The following TTC8 variants were observed in gnomAD, a reference collection of about 807,000 sequenced individuals.
TTC8 encodes tetratricopeptide repeat domain 8.
In TTC8, 47 loss-of-function variants were observed where a neutral mutation model predicts 72.5. The observed-to-expected ratio is 0.65, with a 90% CI of 0.51 to 0.83. The LOEUF is 0.83. TTC8 is among the 40% of genes least tolerant of loss of function. The probability of loss-of-function intolerance (pLI) is 0.00; values close to 1 mark genes in which losing one functional copy is unlikely to be tolerated. For missense variants in TTC8, 611 were observed against 623.2 expected, an observed-to-expected ratio of 0.98 and a Z score of 0.21; for synonymous variants, 199 against 221.4, an observed-to-expected ratio of 0.90 and a Z score of 0.90.
chr14:88,855,460 T>C (rs2094851783), intron 8 of TTC8, among the ~76,000 whole-genome samples: 1 of 152,200 alleles, frequency 6.6e-6, no homozygotes, highest in Non-Finnish European at 1.5e-5. Flanking sequence ...CATGTTCCAT[T>C]TTCTTTGCAC....
rs2094780502 is a variant in TTC8 at position 88,841,369 on chromosome 14, G to GTTTTTTTT, written c.490-53_490-52insTTTTTTTT. On this transcript the variant is annotated intron_variant, in intron 5 of 14. Transcript: ENST00000380656. The stretch of plus-strand genomic sequence containing the variant: ...TTATATTTTTATGCATATTAAACTT[G>GTTTTTTTT]TTTACATTTCAAGAGAAAGTTTCAG... 4 of 1,606,492 alleles carry GTTTTTTTT rather than the reference G, an allele frequency of 2.5e-6. No individual in the cohort carries two copies. In the East Asian group the frequency reaches 8.9e-5, roughly 36 times the overall value.
At position 88,862,643 on chromosome 14, in the gene TTC8, C is replaced by A. The variant is rs182602802; in HGVS notation, c.909+1311C>A. ...TGTTGCCCAGGCTGGATCGCAGTGA[C>A]GTAATCATAACTCACTGCAGCCTCC... On this transcript the variant is annotated intron_variant, in intron 10 of 14. Transcript: ENST00000380656. Among the ~76,000 whole-genome samples, 1,149 of 128,174 alleles carry A rather than the reference C, an allele frequency of 9.0e-3. 11 individuals carry two copies. Among genetic ancestry groups the A allele is most frequent in the Middle Eastern group, 0.031 (7 of 224 alleles). The allele number at this position is 128,174 out of a possible 152,430, so 84.1% of individuals were successfully genotyped here. A position where few individuals can be genotyped will look rare whatever the true frequency, so the allele number is the denominator to read the frequency against.
intron 10 of TTC8, among the ~76,000 whole-genome samples, chr14:88,864,705 G>A (rs1595978584): frequency 6.6e-6 from 1 of 152,226 alleles, no homozygotes. Flanking sequence ...CAAGGACTAA[G>A]CACAGATTTG....
Position 88,839,311 on chromosome 14 carries a change from T to TAAATTAAA in TTC8, c.145-141_145-140insAAATTAAA, listed in dbSNP as rs1222606228. On this transcript the variant is annotated intron_variant, in intron 2 of 14. Coordinates refer to ENST00000380656, the MANE Select transcript of TTC8 (RefSeq NM_144596.4). The stretch of plus-strand genomic sequence containing the variant: ...CTTGTATTAGTTTTTGACATGGCCC[T>TAAATTAAA]TTAAATTAAAATAATGTGTTAAGAG... 1.5e-4 allele frequency: 125 copies of TAAATTAAA among 841,642 alleles called. No homozygotes were observed. The African/African-American group carries it at 2.1e-3, about 14-fold the overall frequency. The allele number at this position is 841,642 out of a possible 1,614,324, so 52.1% of individuals were successfully genotyped here.
At chr14:88,854,841 G>A (rs1250871926) in intron 8 of TTC8, among the ~76,000 whole-genome samples, 3 of 152,102 alleles carry the variant, frequency 2.0e-5, no homozygotes, top group South Asian at 2.1e-4. Flanking sequence ...CACCATGCCC[G>A]GCTAATTTTT....
Position 88,853,054 on chromosome 14 carries a change from C to T in TTC8, c.708C>T (p.Tyr236=). Residue 236 remains tyrosine (Y), a splice_region_variant and synonymous_variant, in exon 8 of 15, where the codon TAC becomes TAT. Coordinates refer to ENST00000380656, the MANE Select transcript of TTC8 (RefSeq NM_144596.4). ...AAGTACAGATTGGAAAATGTTACTA[C>T]AGGTAAATTTCATTATTTGTGAAGG... ...WWKVQIGKCY[Y]RLGMYREAEK... 1 of 1,610,954 alleles carries T rather than the reference C, an allele frequency of 6.2e-7. No individual in the cohort carries two copies. The highest frequency in any genetic ancestry group is 8.5e-7 in the Non-Finnish European group (1 of 1,177,520).
chr14:88,878,600 C>T (rs1179325502), downstream of TTC8: 1 of 152,160 alleles, frequency 6.6e-6, no homozygotes, highest in Non-Finnish European at 1.5e-5. Flanking sequence ...TGTTCCTGCA[C>T]CTTAGACTTG....
intron 2 of TTC8, among the ~76,000 whole-genome samples, chr14:88,835,692 GT>G (rs2094747428): frequency 6.6e-6 from 1 of 151,832 alleles, no homozygotes; most frequent in African/African-American, 2.4e-5. Flanking sequence ...TTTTTATTTA[GT>G]TTTAAGGGGT....
chr14:88,869,968 T>G, intron 10 of TTC8, 91 bp from the exon 11 acceptor site: 1 of 1,327,966 alleles, frequency 7.5e-7, no homozygotes, highest in Non-Finnish European at 1.1e-6. Flanking sequence ...AATAAATACT[T>G]ATTGAATGAA....
At chr14:88,837,243 C>A (rs555693462) in intron 2 of TTC8, among the ~76,000 whole-genome samples, 5 of 152,178 alleles carry the variant, frequency 3.3e-5, no homozygotes, top group African/African-American at 1.2e-4. Flanking sequence ...CACCTACACT[C>A]AATTCTCCTA....
At position 88,875,035 on chromosome 14, in the gene TTC8, C is replaced by G. The variant is rs1409260631; in HGVS notation, c.1357C>G (p.Leu453Val). The change falls in exon 14 of 15, where the codon CTA becomes GTA. Residue 453 changes from leucine to valine, a missense_variant. Transcript: ENST00000380656. ...RKGHVEQARA[L>V]LQTASSLAPH... ...TTATTTTTATACACAGGCAAGGGCA[C>G]TATTACAAACTGCATCATCATTAGC... is the stretch of plus-strand genomic sequence containing the variant. The G allele has an allele frequency of 2.5e-6, 4 of 1,612,088 alleles. No homozygotes were observed. The highest frequency in any genetic ancestry group is 2.7e-5 in the African/African-American group (2 of 74,968).
intron 11 of TTC8, 71 bp downstream of exon 11, chr14:88,870,269 TGAAAGTATAGA>T: frequency 6.5e-7 from 1 of 1,534,152 alleles, no homozygotes; most frequent in South Asian, 1.1e-5. Flanking sequence ...AAAGATGGAA[TGAAAGTATAGA>T]GAAATAAGGT....
In TTC8 at chr14:88,871,452, A is replaced by G. The variant is rs2094933471; in HGVS notation, c.1050-97A>G. On this transcript the variant is annotated intron_variant, in intron 11 of 14. Transcript: ENST00000380656. This position sits in a 1 kb window ranked among gnomAD's most constrained non-coding sequence, Gnocchi z 4.1. ...CTTAAGGAGTATCAAAAATCACAAG[A>G]TGAATTCATTTTTAACTGTGTAAAA... 9.1e-7 allele frequency: 1 copy of G among 1,102,660 alleles called. No individual in the cohort carries two copies. Among genetic ancestry groups the G allele is most frequent in the Non-Finnish European group, 1.3e-6 (1 of 757,214 alleles). 68.3% of individuals were successfully genotyped at this position (1,102,660 alleles called of 1,614,324 possible).
chr14:88,869,996 G>GA (rs2141032880), intron 10 of TTC8, 63 bp from the exon 11 acceptor site: 4 of 1,569,168 alleles, frequency 2.5e-6, no homozygotes, highest in South Asian at 1.1e-5. Context: ...AAATCAGTCA[G>GA]AAAAAAATAA....
At chr14:88,827,550 A>C (rs912021079) in intron 1 of TTC8, among the ~76,000 whole-genome samples, 8 of 152,188 alleles carry the variant, frequency 5.3e-5, no homozygotes, top group African/African-American at 1.7e-4. Flanking sequence ...ATGTCATCTT[A>C]CCAGAGTTAG....
In TTC8 at chr14:88,833,673, G is replaced by T; in HGVS notation, c.115-20G>T. ...ACTGTATTTCTTAAAACTGTTTACT[G>T]CCTTCTTAATGCTTTCCAGGAACCA... On this transcript the variant is annotated intron_variant, in intron 1 of 14. Transcript: ENST00000380656. 1.2e-6 allele frequency: 2 copies of T among 1,612,458 alleles called. No individual in the cohort carries two copies. The highest frequency in any genetic ancestry group is 3.3e-4 in the Middle Eastern group (2 of 6,048).
chr14:88,824,894 G>C (rs1263018650), intron 1 of TTC8, 73 bp downstream of exon 1: 4 of 1,407,010 alleles, frequency 2.8e-6, no homozygotes, highest in Non-Finnish European at 4.0e-6. Context: ...TCCCAGCCCC[G>C]GGTTGGGAGG....
intron 10 of TTC8, among the ~76,000 whole-genome samples, chr14:88,864,731 G>C (rs1245274714): frequency 6.6e-6 from 1 of 152,196 alleles, no homozygotes; most frequent in Non-Finnish European, 1.5e-5. Flanking sequence ...GTTGGTGGCA[G>C]TATTTCTGTC....
upstream of TTC8, among the ~76,000 whole-genome samples, chr14:88,824,382 C>A (rs1305207109): frequency 6.6e-6 from 1 of 152,114 alleles, no homozygotes; most frequent in Non-Finnish European, 1.5e-5. Context: ...TAGGCAGCTG[C>A]GCCTCCTGGG....
Sources: gnomAD v4.1 joint callset for allele counts (sites outside exome capture counted in the v4.1 genomes callset) on GRCh38, gnomAD v4.1.1 for gene constraint, Gnocchi (gnomAD v3.1) non-coding constraint, MANE v1.5 for transcripts, NCBI Gene and HGNC (gene_info 2026-07-23, HGNC 2026-07-21) for gene names.